TRMT9B: variants seen among roughly 807,000 people sequenced by gnomAD.
The protein encoded by TRMT9B is probable tRNA methyltransferase 9B.
TRMT9B carries 16 observed loss-of-function variants against 11.5 expected under a neutral mutation model. That is an observed-to-expected ratio of 1.39 (90% CI 0.94 to 2.11). The LOEUF (loss-of-function observed/expected upper bound fraction) is 2.11. Ranked by LOEUF, TRMT9B falls within the 30% of genes most tolerant of loss-of-function variation. The pLI, the probability that TRMT9B is intolerant of heterozygous loss-of-function variation, is 0.00. For synonymous variants in TRMT9B, 274 were observed against 192.4 expected (o/e 1.42, Z -3.51); for missense variants, 941 against 553.8 (o/e 1.70, Z -7.02).
chr8:12,985,374 G>A (rs1194707958), intron 1 of TRMT9B, among the ~76,000 whole-genome samples: 1 of 152,172 alleles, frequency 6.6e-6, no homozygotes, highest in African/African-American at 2.4e-5. Context: ...GTATCATTAA[G>A]GAGTTCTGTG....
At chr8:13,019,527 C>G (rs1056277215) in intron 4 of TRMT9B, among the ~76,000 whole-genome samples, 1 of 152,188 alleles carries the variant, frequency 6.6e-6, no homozygotes, top group Non-Finnish European at 1.5e-5. Flanking sequence ...CTCCTGGCCT[C>G]AAGAGTTCCG....
At position 12,998,317 on chromosome 8, in the gene TRMT9B, G is replaced by A. The variant is rs114337631; in HGVS notation, c.-2+7286G>A. On this transcript the variant is annotated intron_variant, in intron 2 of 4. Coordinates refer to ENST00000524591, the MANE Select transcript of TRMT9B (RefSeq NM_020844.3). ...TACTCCAAGGTCATGAGGATGTTCT[G>A]TATTTTCCTCTAAAAGCTTTATTGT... is the stretch of plus-strand genomic sequence containing the variant. Among the ~76,000 whole-genome samples the A allele has an allele frequency of 5.6e-3, 847 of 152,240 alleles. 10 individuals are homozygous for A. Among genetic ancestry groups the A allele is most frequent in the African/African-American group, 0.02 (815 of 41,540 alleles).
chr8:13,008,568 C>G (rs1039221952), intron 3 of TRMT9B, among the ~76,000 whole-genome samples: 1 of 152,112 alleles, frequency 6.6e-6, no homozygotes, highest in Non-Finnish European at 1.5e-5. Flanking sequence ...AATATGGAAG[C>G]TGTAATTTAT....
chr8:12,996,829 C>T (rs918304599), intron 2 of TRMT9B, among the ~76,000 whole-genome samples: 1 of 152,130 alleles, frequency 6.6e-6, no homozygotes, highest in African/African-American at 2.4e-5. Flanking sequence ...ATTATCAGCA[C>T]CCCAGGACCA....
In TRMT9B at chr8:12,981,332, C is replaced by T. The variant is rs1805345436; in HGVS notation, c.-199-9502C>T. 2.6e-5 allele frequency among the ~76,000 whole-genome samples: 4 copies of T among 152,284 alleles called. No homozygotes were observed. In the South Asian group the frequency reaches 8.3e-4, roughly 32 times the overall value. ...GCTACTTCAAATGGTGCTGGCAGAG[C>T]ACAGGGTGTGAATTGGGGGTGGGAC... is the stretch of plus-strand genomic sequence containing the variant. On this transcript the variant is annotated intron_variant, in intron 1 of 4. Transcript: ENST00000524591.
intron 1 of TRMT9B, among the ~76,000 whole-genome samples, chr8:12,966,297 A>G (rs924678829): frequency 2.4e-4 from 36 of 152,018 alleles, no homozygotes; most frequent in Non-Finnish European, 4.9e-4. Context: ...GGGCGGGGGG[A>G]AGAAATACTC....
intron 1 of TRMT9B, among the ~76,000 whole-genome samples, chr8:12,962,873 C>T (rs566750408): frequency 6.6e-6 from 1 of 152,166 alleles, no homozygotes; most frequent in Admixed American, 6.5e-5. Flanking sequence ...AATCCTACCA[C>T]TGGCACAGCT....
chr8:13,018,196 G>A (rs1239620430), intron 4 of TRMT9B, among the ~76,000 whole-genome samples: 2 of 150,988 alleles, frequency 1.3e-5, no homozygotes, highest in African/African-American at 2.4e-5. Context: ...GAGCCCAGGA[G>A]TTCGATACCA....
At chr8:13,010,795 T>C in intron 3 of TRMT9B, 1 of 982,920 alleles carries the variant, frequency 1.0e-6, no homozygotes, top group Non-Finnish European at 1.2e-6. Context: ...AGGACCATCG[T>C]CTTTTGAAAT....
Position 12,969,423 on chromosome 8 carries a change from C to G in TRMT9B, c.-199-21411C>G, listed in dbSNP as rs146535423. 5.4e-3 allele frequency among the ~76,000 whole-genome samples: 829 copies of G among 152,168 alleles called. 8 individuals carry two copies. The highest frequency in any genetic ancestry group is 0.019 in the African/African-American group (783 of 41,508). On this transcript the variant is annotated intron_variant, in intron 1 of 4. Transcript: ENST00000524591. Reference sequence around the variant, plus strand: ...CATCCAAAGGGGATTGGTTCCAGGACCCACTCTACCCCCACACCCCTGTAC... The same window carrying G: ...CATCCAAAGGGGATTGGTTCCAGGAGCCACTCTACCCCCACACCCCTGTAC...
intron 1 of TRMT9B, among the ~76,000 whole-genome samples, chr8:12,967,804 G>A (rs1803029982): frequency 6.6e-6 from 1 of 152,218 alleles, no homozygotes; most frequent in Admixed American, 6.5e-5. Context: ...GGGTTTTGAA[G>A]CATTGTTAAC....
chr8:13,011,357 A>G, intron 3 of TRMT9B: 1 of 985,222 alleles, frequency 1.0e-6, no homozygotes, highest in Non-Finnish European at 1.2e-6. Context: ...GTTTGCTTTT[A>G]CTGTATCATA....
rs568912795 is a variant in TRMT9B at position 12,962,975 on chromosome 8, C to A, written c.-200+17009C>A. On this transcript the variant is annotated intron_variant, in intron 1 of 4. Transcript: ENST00000524591. Reference sequence around the variant, plus strand: ...TAATTGTCAAGTTAAAAACTTGTAGCCACATGATTTGGGGGTTTGATTTCT... The same window carrying A: ...TAATTGTCAAGTTAAAAACTTGTAGACACATGATTTGGGGGTTTGATTTCT... 8.1e-4 allele frequency among the ~76,000 whole-genome samples: 123 copies of A among 152,232 alleles called. 1 individual carries two copies. The highest frequency in any genetic ancestry group is 1.4e-3 in the Non-Finnish European group (92 of 68,034).
intron 3 of TRMT9B, chr8:13,011,838 C>A: frequency 1.0e-6 from 1 of 967,538 alleles, no homozygotes; most frequent in African/African-American, 1.8e-5. Context: ...TGGATAAAAA[C>A]AATGTTAAAA....
intron 3 of TRMT9B, chr8:13,011,297 T>C (rs1336183202): frequency 1.0e-6 from 1 of 985,216 alleles, no homozygotes; most frequent in Non-Finnish European, 1.2e-6. Context: ...CAAATTTTAT[T>C]TTTTATTCAT....
intron 1 of TRMT9B, among the ~76,000 whole-genome samples, chr8:12,982,986 A>C (rs1278739205): frequency 6.6e-6 from 1 of 152,228 alleles, no homozygotes; most frequent in Non-Finnish European, 1.5e-5. Context: ...GCATGTGTTC[A>C]GGCACCAACC....
chr8:13,020,750 A>C (rs1813670319), intron 4 of TRMT9B, among the ~76,000 whole-genome samples: 1 of 152,236 alleles, frequency 6.6e-6, no homozygotes, highest in African/African-American at 2.4e-5. Context: ...TAGAGGAAGA[A>C]ACTTAAAATC....
chr8:12,967,319 G>A (rs1802951765), intron 1 of TRMT9B, among the ~76,000 whole-genome samples: 1 of 152,222 alleles, frequency 6.6e-6, no homozygotes, highest in South Asian at 2.1e-4. Context: ...GGACTAGACA[G>A]TGGCACAGCT....
intron 4 of TRMT9B, among the ~76,000 whole-genome samples, chr8:13,020,305 G>A (rs1813577719): frequency 1.3e-5 from 2 of 152,160 alleles, no homozygotes; most frequent in African/African-American, 2.4e-5. Flanking sequence ...TAACAGACTA[G>A]CACTTTTATT....
Sources: gnomAD v4.1 joint callset for allele counts (sites outside exome capture counted in the v4.1 genomes callset) on GRCh38, gnomAD v4.1.1 for gene constraint, MANE v1.5 for transcripts, NCBI Gene and HGNC (gene_info 2026-07-23, HGNC 2026-07-21) for gene names.